NTM: variants seen among roughly 807,000 people sequenced by gnomAD.
NTM encodes the protein neurotrimin.
NTM carries 13 observed loss-of-function variants against 42.1 expected under a neutral mutation model. That is an observed-to-expected ratio of 0.31 (90% CI 0.20 to 0.49). The LOEUF (loss-of-function observed/expected upper bound fraction) is 0.49, where lower values mean the gene tolerates loss of function less well. Ranked by LOEUF, NTM falls within the 20% of genes least tolerant of loss-of-function variation. The pLI, the probability that NTM is intolerant of heterozygous loss-of-function variation, is 0.99. For missense variants in NTM, 373 were observed against 452.8 expected, an observed-to-expected ratio of 0.82 and a Z score of 1.60; for synonymous variants, 187 against 179.2, an observed-to-expected ratio of 1.04 and a Z score of -0.35.
intron 3 of NTM, among the ~76,000 whole-genome samples, chr11:132,195,787 C>G (rs911832104): frequency 1.3e-5 from 2 of 152,140 alleles, no homozygotes; most frequent in African/African-American, 4.8e-5. Flanking sequence ...TTTCTTTTAC[C>G]ATATACAAAA....
chr11:131,936,699 A>G (rs1257336845), intron 2 of NTM, among the ~76,000 whole-genome samples: 1 of 152,206 alleles, frequency 6.6e-6, no homozygotes, highest in African/African-American at 2.4e-5. Context: ...ACACACAAAC[A>G]AAGGGAACTG....
At chr11:131,800,193 CTT>C (rs776666202) in intron 1 of NTM, among the ~76,000 whole-genome samples, 6 of 152,226 alleles carry the variant, frequency 3.9e-5, no homozygotes, top group Non-Finnish European at 7.3e-5. Flanking sequence ...GGGTCTATGA[CTT>C]TTGGAATCCG....
chr11:131,878,641 A>AT (rs1565667266), intron 1 of NTM, among the ~76,000 whole-genome samples: 10 of 122,532 alleles, frequency 8.2e-5, no homozygotes, highest in Non-Finnish European at 1.3e-4. Context: ...ATATATATAT[A>AT]ATGTCTTATG....
At chr11:132,278,299 G>A (rs2093814546) in intron 4 of NTM, among the ~76,000 whole-genome samples, 1 of 152,300 alleles carries the variant, frequency 6.6e-6, no homozygotes, top group South Asian at 2.1e-4. Flanking sequence ...GGACACAGAG[G>A]GATCAACCTA....
In NTM at chr11:131,789,610, GAAGAAGAA is replaced by G. The variant is rs2090405117; in HGVS notation, c.83-121953_83-121946del. Among the ~76,000 whole-genome samples the G allele has an allele frequency of 2.4e-5, 2 of 84,310 alleles. 1 individual carries two copies. The allele number at this position is 84,310 out of a possible 152,430, so 55.3% of individuals were successfully genotyped here. On this transcript the variant is annotated intron_variant, in intron 1 of 8. Transcript: ENST00000683400. ...AGAAGAAGAAGAAGAAGAAGAAGAAGAAGAAGAAGAAGAAGAAGAAGAAGAAAAGAAGA... is the reference window on the plus strand; with the variant it reads ...AGAAGAAGAAGAAGAAGAAGAAGAAGGAAGAAGAAGAAGAAGAAAAGAAGA...
At chr11:132,114,228 A>T (rs1041184951) in intron 2 of NTM, among the ~76,000 whole-genome samples, 7 of 152,230 alleles carry the variant, frequency 4.6e-5, no homozygotes, top group Middle Eastern at 3.2e-3. Context: ...AATAAAGAGC[A>T]AGTGTTGTTC....
chr11:131,470,722 C>T (rs540230995), intron 1 of NTM, among the ~76,000 whole-genome samples: 277 of 152,256 alleles, frequency 1.8e-3, no homozygotes, highest in Non-Finnish European at 3.2e-3. Flanking sequence ...CAGGTCAGAC[C>T]GTGAAAGCAG....
intron 1 of NTM, among the ~76,000 whole-genome samples, chr11:131,470,229 C>T (rs1459254515): frequency 6.6e-6 from 1 of 152,220 alleles, no homozygotes; most frequent in African/African-American, 2.4e-5. Context: ...GAAAGTAGGA[C>T]TCTAATCCAT....
intron 4 of NTM, among the ~76,000 whole-genome samples, chr11:132,224,551 C>T (rs1479555358): frequency 6.6e-6 from 1 of 152,166 alleles, no homozygotes; most frequent in Non-Finnish European, 1.5e-5. Context: ...GTGGTGAAAC[C>T]TCACCTCACA....
intron 1 of NTM, among the ~76,000 whole-genome samples, chr11:131,505,698 C>T (rs2047400155): frequency 6.6e-6 from 1 of 152,250 alleles, no homozygotes; most frequent in Non-Finnish European, 1.5e-5. Context: ...ATGCTCACAC[C>T]CACGGAAAGG....
intron 2 of NTM, among the ~76,000 whole-genome samples, chr11:131,921,250 G>A (rs990821273): frequency 2.0e-5 from 3 of 152,218 alleles, no homozygotes; most frequent in African/African-American, 7.2e-5. Context: ...TCATACTAGA[G>A]TAGAGTGTGC....
intron 2 of NTM, among the ~76,000 whole-genome samples, chr11:132,115,493 A>G (rs2063754832): frequency 6.6e-6 from 1 of 152,198 alleles, no homozygotes; most frequent in East Asian, 1.9e-4. Flanking sequence ...CAATAAGATT[A>G]GGGCCGAAAA....
chr11:131,942,292 T>C (rs1414871454), intron 2 of NTM, among the ~76,000 whole-genome samples: 3 of 152,190 alleles, frequency 2.0e-5, no homozygotes, highest in Non-Finnish European at 2.9e-5. Flanking sequence ...TGTCCATGCA[T>C]AGAGTGGTTC....
At chr11:131,916,466 T>C (rs2056394519) in intron 2 of NTM, among the ~76,000 whole-genome samples, 1 of 152,218 alleles carries the variant, frequency 6.6e-6, no homozygotes, top group South Asian at 2.1e-4. Flanking sequence ...GATGTTGTTT[T>C]TCCCGGGTGA....
intron 1 of NTM, among the ~76,000 whole-genome samples, chr11:131,437,775 G>A (rs1427082276): frequency 6.6e-5 from 10 of 152,146 alleles, no homozygotes; most frequent in African/African-American, 9.7e-5. Context: ...GGGGCATTTA[G>A]CCCATTTACA....
chr11:131,640,032 TG>T (rs2064942407), intron 1 of NTM, among the ~76,000 whole-genome samples: 1 of 152,110 alleles, frequency 6.6e-6, no homozygotes, highest in African/African-American at 2.4e-5. Context: ...ATTTCTCTTC[TG>T]GTTCTATTGA....
At chr11:132,055,671 G>A (rs116212375) in intron 2 of NTM, among the ~76,000 whole-genome samples, 1 of 97,310 alleles carries the variant, frequency 1.0e-5, no homozygotes, top group Admixed American at 9.9e-5. Context: ...GAGCGAGAGT[G>A]AGAGAGAGAG....
intron 1 of NTM, among the ~76,000 whole-genome samples, chr11:131,488,758 C>A (rs1348501942): frequency 6.6e-6 from 1 of 152,122 alleles, no homozygotes; most frequent in East Asian, 1.9e-4. Context: ...AAACCAAAAT[C>A]CAATAATCTG....
chr11:132,261,199 A>G (rs1297887923), intron 4 of NTM, among the ~76,000 whole-genome samples: 1 of 152,112 alleles, frequency 6.6e-6, no homozygotes, highest in Non-Finnish European at 1.5e-5. Flanking sequence ...TGGCCAAGAG[A>G]GTAGAGGTGG....
Sources: gnomAD v4.1 joint callset for allele counts (sites outside exome capture counted in the v4.1 genomes callset) on GRCh38, gnomAD v4.1.1 for gene constraint, MANE v1.5 for transcripts, NCBI Gene and HGNC (gene_info 2026-07-23, HGNC 2026-07-21) for gene names.